Variants in ZNF736 observed in about 807,000 individuals in gnomAD.
ZNF736 encodes the protein zinc finger protein 736.
A neutral mutation model predicts 11.7 loss-of-function variants in ZNF736; 6 were observed. The ratio of observed to expected loss-of-function variants is 0.51; its 90% CI spans 0.28 to 1.01. The LOEUF is 1.01. ZNF736 is among the 50% of genes least tolerant of loss of function. The probability of loss-of-function intolerance (pLI) is 0.09; values close to 1 mark genes in which losing one functional copy is unlikely to be tolerated. For synonymous variants in ZNF736, 139 were observed against 164.7 expected, an observed-to-expected ratio of 0.84 and a Z score of 1.19; for missense variants, 444 against 496.0, an observed-to-expected ratio of 0.90 and a Z score of 1.00.
At chr7:64,341,031 CT>C (rs536121955) in intron 3 of ZNF736, among the ~76,000 whole-genome samples, 76 of 151,742 alleles carry the variant, frequency 5.0e-4, no homozygotes, top group African/African-American at 1.6e-3. Flanking sequence ...TGTTTTTCAA[CT>C]TTTTTTGTTT....
At chr7:64,328,955 A>T (rs1240534178) in intron 1 of ZNF736, among the ~76,000 whole-genome samples, 2 of 146,384 alleles carry the variant, frequency 1.4e-5, no homozygotes, top group Admixed American at 6.8e-5. Flanking sequence ...TCTTGAGGCT[A>T]TTTTTTTTTT....
At chr7:64,341,062 G>A (rs10949896) in intron 3 of ZNF736, among the ~76,000 whole-genome samples, 36,590 of 151,600 alleles carry the variant, frequency 0.24, 4,683 homozygotes, top group African/African-American at 0.29. Context: ...ATGACTCAAT[G>A]TTTATAAATG....
rs2115915892 is a variant in ZNF736 at position 64,332,384 on chromosome 7, G to A, written c.4-3875G>A. Among the ~76,000 whole-genome samples the A allele has an allele frequency of 1.3e-5, 2 of 152,200 alleles. 1 individual carries two copies. The highest frequency in any genetic ancestry group is 6.8e-3 in the Middle Eastern group (2 of 294). ...CTCAGACTAGCAAGTTTTTATTAAG[G>A]GTTTCAAAAGGGGAGGGGGTGTAAA... On this transcript the variant is annotated intron_variant, in intron 1 of 3. Coordinates refer to ENST00000423484, the MANE Select transcript of ZNF736 (RefSeq NM_001170905.3).
intron 1 of ZNF736, among the ~76,000 whole-genome samples, chr7:64,323,919 A>G (rs1410291892): frequency 6.6e-6 from 1 of 152,222 alleles, no homozygotes; most frequent in Non-Finnish European, 1.5e-5. Context: ...AAAAATAAAT[A>G]CCTAAAAGCA....
intron 1 of ZNF736, among the ~76,000 whole-genome samples, chr7:64,334,528 A>G (rs962123669): frequency 6.6e-6 from 1 of 152,348 alleles, no homozygotes; most frequent in African/African-American, 2.4e-5. Flanking sequence ...CAGCCAACAA[A>G]CATAAAAAAA....
chr7:64,347,973 A>C, intron 3 of ZNF736, 117 bp from the exon 4 acceptor site: 1 of 941,862 alleles, frequency 1.1e-6, no homozygotes, highest in Non-Finnish European at 1.5e-6. Context: ...TATGTCTATA[A>C]GAATATAGAG....
At chr7:64,331,793 A>G (rs1584269962) in intron 1 of ZNF736, among the ~76,000 whole-genome samples, 1 of 152,260 alleles carries the variant, frequency 6.6e-6, no homozygotes, top group East Asian at 1.9e-4. Flanking sequence ...GATTTGGTAG[A>G]GGCAGGTCAG....
intron 1 of ZNF736, among the ~76,000 whole-genome samples, chr7:64,335,891 G>T (rs1045734493): frequency 6.6e-6 from 1 of 152,136 alleles, no homozygotes; most frequent in African/African-American, 2.4e-5. Context: ...CCTGTTCATT[G>T]CTATACACAA....
intron 1 of ZNF736, among the ~76,000 whole-genome samples, chr7:64,335,876 G>C (rs1390642500): frequency 3.3e-5 from 5 of 152,176 alleles, no homozygotes; most frequent in African/African-American, 1.2e-4. Context: ...GTTTTAACAA[G>C]ATCTCCTGTT....
At position 64,351,015 on chromosome 7, in the gene ZNF736, A is replaced by G. The variant is rs965774890; in HGVS notation, c.*1868A>G. 2.0e-5 allele frequency: 3 copies of G among 152,690 alleles called. No individual in the cohort carries two copies. Among genetic ancestry groups the G allele is most frequent in the African/African-American group, 7.2e-5 (3 of 41,428 alleles). 9.5% of individuals were successfully genotyped at this position (152,690 alleles called of 1,614,324 possible). On this transcript the variant is annotated 3_prime_UTR_variant, in exon 4 of 4. Coordinates refer to ENST00000423484, the MANE Select transcript of ZNF736 (RefSeq NM_001170905.3). ...GGGTACTCACCTCAGTGGCAGGAGC[A>G]AAGCAGCTGGGAAGGGAGTGGGGGA...
chr7:64,337,756 GTTTTTT>G (rs569147961), intron 3 of ZNF736, among the ~76,000 whole-genome samples: 1 of 112,508 alleles, frequency 8.9e-6, no homozygotes, highest in African/African-American at 4.5e-5. Context: ...GTTTTTTTTG[GTTTTTT>G]TTTTTTTTTG....
At chr7:64,321,416 T>A (rs1337825843) in intron 1 of ZNF736, among the ~76,000 whole-genome samples, 2 of 152,186 alleles carry the variant, frequency 1.3e-5, no homozygotes, top group South Asian at 2.1e-4. Context: ...CAGCTGTGTT[T>A]TTTAAAGCAT....
rs1241405601 is a variant in ZNF736 at position 64,314,014 on chromosome 7, C to T, written c.-137C>T. The T allele has an allele frequency of 1.5e-5, 19 of 1,231,172 alleles. No individual in the cohort carries two copies. Among genetic ancestry groups the T allele is most frequent in the Middle Eastern group, 2.5e-4 (1 of 3,922 alleles). 76.3% of individuals were successfully genotyped at this position (1,231,172 alleles called of 1,614,324 possible). On this transcript the variant is annotated 5_prime_UTR_variant, in exon 1 of 4. Transcript: ENST00000423484. The stretch of plus-strand genomic sequence containing the variant: ...GTCTCCTAGCTTCCGGGCTCTGATC[C>T]TAGTTCGCGTCTCCACTGTTCCATC...
chr7:64,315,161 C>G (rs1486330078), intron 1 of ZNF736, among the ~76,000 whole-genome samples: 1 of 152,174 alleles, frequency 6.6e-6, no homozygotes, highest in Non-Finnish European at 1.5e-5. Context: ...TCCCCAGAAG[C>G]AGACGCTGGT....
rs1789467577 is a variant in ZNF736, at chr7:64,350,225, C to T, written c.*1078C>T. On this transcript the variant is annotated 3_prime_UTR_variant, in exon 4 of 4. Coordinates refer to ENST00000423484, the MANE Select transcript of ZNF736 (RefSeq NM_001170905.3). ...ATAGATTTGGTTTCTTTACATAATC[C>T]CATATTTCTTAGAGGTTTTGTTCAT... 6.6e-6 allele frequency: 1 copy of T among 152,054 alleles called. No individual in the cohort carries two copies. The highest frequency in any genetic ancestry group is 1.5e-5 in the Non-Finnish European group (1 of 68,022). 9.4% of individuals were successfully genotyped at this position (152,054 alleles called of 1,614,324 possible). A position where few individuals can be genotyped will look rare whatever the true frequency, so the allele number is the denominator to read the frequency against.
rs1789119449 is a variant in ZNF736 at position 64,328,893 on chromosome 7, C to T, written c.4-7366C>T. Among the ~76,000 whole-genome samples, 2 of 151,580 alleles carry T rather than the reference C, an allele frequency of 1.3e-5. 1 individual carries two copies. Among genetic ancestry groups the T allele is most frequent in the South Asian group, 4.2e-4 (2 of 4,818 alleles). On this transcript the variant is annotated intron_variant, in intron 1 of 3. Coordinates refer to ENST00000423484, the MANE Select transcript of ZNF736 (RefSeq NM_001170905.3). ...TTATCCCTTTGAATAAACTTTCTAC[C>T]CAGAACTTTTTCTCTACCTCCTCTT...
intron 1 of ZNF736, among the ~76,000 whole-genome samples, chr7:64,329,690 A>G (rs1789133487): frequency 6.6e-6 from 1 of 152,176 alleles, no homozygotes; most frequent in African/African-American, 2.4e-5. Flanking sequence ...CACCATCACT[A>G]GGACTACACT....
rs551050778 is a variant in ZNF736 at position 64,348,260 on chromosome 7, C to A, written c.397C>A (p.Leu133Ile). 21 of 1,551,886 alleles carry A rather than the reference C, an allele frequency of 1.4e-5. No homozygotes were observed. In the South Asian group the frequency reaches 2.3e-4, roughly 17 times the overall value. The change falls in exon 4 of 4, where the codon CTT becomes ATT. Residue 133 changes from leucine (L) to isoleucine (I), a missense_variant. Physicochemically the swap from Leu to Ile is conservative, Grantham distance 5 (BLOSUM62 2). Coordinates refer to ENST00000423484, the MANE Select transcript of ZNF736 (RefSeq NM_001170905.3). ...CKGQKSSYNGLHQCLSATHSK... is the reference protein window; with the variant it reads ...CKGQKSSYNGIHQCLSATHSK... ...GGGGCAGAAAAGCAGTTATAATGGC[C>A]TTCATCAATGTTTGTCAGCTACCCA...
At chr7:64,347,217 C>CTTTTTTTTTTTTTTTT (rs35033527) in intron 3 of ZNF736, among the ~76,000 whole-genome samples, 7 of 55,870 alleles carry the variant, frequency 1.3e-4, no homozygotes, top group Admixed American at 7.8e-4. Context: ...AAATGTTCGC[C>CTTTTTTTTTTTTTTTT]TTTTTTTTTT....
Sources: allele counts gnomAD v4.1 joint callset (sites outside exome capture counted in the v4.1 genomes callset), GRCh38; gene constraint gnomAD v4.1.1; transcripts MANE v1.5; gene names NCBI Gene and HGNC (gene_info 2026-07-23, HGNC 2026-07-21).